The following DRGX variants were observed in gnomAD, a reference collection of about 807,000 sequenced individuals.
DRGX encodes the protein dorsal root ganglia homeobox, also known as dorsal root ganglia homeobox protein.
DRGX carries 21 observed loss-of-function variants against 28.6 expected under a neutral mutation model. That is an observed-to-expected ratio of 0.73 (90% CI 0.52 to 1.06). The LOEUF (loss-of-function observed/expected upper bound fraction) is 1.06. Among genes scored for constraint, DRGX ranks in the 50% least tolerant of loss-of-function variants. DRGX has a pLI of 0.00. For synonymous variants in DRGX, 136 were observed against 139.1 expected, an observed-to-expected ratio of 0.98 and a Z score of 0.16; for missense variants, 354 against 343.9, an observed-to-expected ratio of 1.03 and a Z score of -0.23.
chr10:49,380,362 C>G (rs1849761459), intron 6 of DRGX, among the ~76,000 whole-genome samples: 1 of 152,224 alleles, frequency 6.6e-6, no homozygotes, highest in African/African-American at 2.4e-5. Flanking sequence ...CTGTGGCCAG[C>G]ACTTCTCCGG....
chr10:49,368,312 A>C (rs190823679), intron 6 of DRGX, among the ~76,000 whole-genome samples: 1 of 152,310 alleles, frequency 6.6e-6, no homozygotes, highest in East Asian at 1.9e-4. Context: ...CTCCTACCTC[A>C]AGTTTGACTG....
At chr10:49,386,955 A>T in intron 4 of DRGX, 97 bp from the exon 5 acceptor site, 1 of 1,392,600 alleles carries the variant, frequency 7.2e-7, no homozygotes. Context: ...CTCACCCTGC[A>T]GCCTCCTCTC....
chr10:49,387,937 G>T (rs1191523619), intron 4 of DRGX, among the ~76,000 whole-genome samples: 1 of 152,168 alleles, frequency 6.6e-6, no homozygotes, highest in Non-Finnish European at 1.5e-5. Flanking sequence ...AACTGTTTGG[G>T]GGTAATAACT....
At chr10:49,372,287 T>C (rs749651648) in intron 6 of DRGX, among the ~76,000 whole-genome samples, 24 of 152,328 alleles carry the variant, frequency 1.6e-4, no homozygotes, top group Middle Eastern at 6.8e-3. Context: ...GTCATCATTA[T>C]GGAAATCCTA....
At chr10:49,371,010 G>A (rs770297849) in intron 6 of DRGX, among the ~76,000 whole-genome samples, 57 of 152,146 alleles carry the variant, frequency 3.7e-4, no homozygotes, top group Non-Finnish European at 2.9e-5. Context: ...TCACCCTAAA[G>A]AGAAAAGCAG....
intron 4 of DRGX, among the ~76,000 whole-genome samples, chr10:49,387,136 G>C (rs536625927): frequency 2.0e-5 from 3 of 152,218 alleles, no homozygotes; most frequent in African/African-American, 7.2e-5. Context: ...TGAGTCACAC[G>C]CAAGTTCATT....
Position 49,390,174 on chromosome 10 carries a change from CT to C in DRGX, c.192del (p.Glu65SerfsTer4). ...GTGAGGTTTATTTTCATGGCGAGCT[CT>C]TCTCTGGTGAAGACATCTGGATAGT... Reference protein sequence around the residue: ...QTHYPDVFTREELAMKINLTE... With the variant: ...QTHYPDVFTRXELAMKINLTE... On this transcript the variant is annotated frameshift_variant, in exon 4 of 7. Coordinates refer to ENST00000374139, the MANE Select transcript of DRGX (RefSeq NM_001276451.2). LOFTEE classifies it high-confidence loss of function. The C allele has an allele frequency of 1.9e-6, 3 of 1,613,186 alleles. No individual in the cohort carries two copies. Among genetic ancestry groups the C allele is most frequent in the Non-Finnish European group, 2.5e-6 (3 of 1,179,634 alleles).
rs1266837889 is a variant in DRGX, at chr10:49,366,222, G to A, written c.686C>T (p.Ser229Phe). Reference sequence around the variant, plus strand: ...GACAGGGCCGGGGCTGCTGCTGGTGGAAGGCAGGAGGTTGGCTGACTGCAG... The same window carrying A: ...GACAGGGCCGGGGCTGCTGCTGGTGAAAGGCAGGAGGTTGGCTGACTGCAG... ...AVLQSANLLP[S>F]TSSSPGPVAK... Residue 229 changes from serine to phenylalanine, a missense_variant, in exon 7 of 7, where the codon TCC (serine) becomes TTC (phenylalanine). Coordinates refer to ENST00000374139, the MANE Select transcript of DRGX (RefSeq NM_001276451.2). The A allele has an allele frequency of 1.2e-6, 2 of 1,613,894 alleles. No homozygotes were observed. The highest frequency in any genetic ancestry group is 1.7e-6 in the Non-Finnish European group (2 of 1,179,854).
At chr10:49,381,724 G>A (rs1008612414) in intron 6 of DRGX, among the ~76,000 whole-genome samples, 3 of 152,210 alleles carry the variant, frequency 2.0e-5, no homozygotes, top group Non-Finnish European at 4.4e-5. Context: ...CATTCTAGCT[G>A]GGGGCTGGTG....
chr10:49,375,870 G>A (rs61848634), intron 6 of DRGX, among the ~76,000 whole-genome samples: 10,384 of 152,106 alleles, frequency 0.068, 424 homozygotes, highest in Middle Eastern at 0.14. Flanking sequence ...GCCAGAGCTC[G>A]GCATGGGCAG....
At chr10:49,366,835 C>T (rs574088165) in intron 6 of DRGX, among the ~76,000 whole-genome samples, 319 of 152,308 alleles carry the variant, frequency 2.1e-3, no homozygotes, top group Non-Finnish European at 3.3e-3. Context: ...TGTCAGGTGC[C>T]GGGCAAGCTG....
intron 6 of DRGX, among the ~76,000 whole-genome samples, chr10:49,377,255 G>A (rs551795285): frequency 2.6e-5 from 4 of 152,358 alleles, no homozygotes; most frequent in Non-Finnish European, 5.9e-5. Context: ...CTGGGGCAGA[G>A]GTAGGTGGAA....
intron 6 of DRGX, among the ~76,000 whole-genome samples, chr10:49,384,234 T>C (rs1849807341): frequency 6.6e-6 from 1 of 152,192 alleles, no homozygotes; most frequent in Admixed American, 6.5e-5. Flanking sequence ...AGCTCATTTG[T>C]AACTGGGGGA....
chr10:49,381,015 G>T (rs1849769810), intron 6 of DRGX, among the ~76,000 whole-genome samples: 1 of 152,218 alleles, frequency 6.6e-6, no homozygotes, highest in Non-Finnish European at 1.5e-5. Context: ...AGATGAGTGA[G>T]CAGAAGTACA....
chr10:49,374,815 A>T (rs955073190), intron 6 of DRGX, among the ~76,000 whole-genome samples: 1 of 152,252 alleles, frequency 6.6e-6, no homozygotes, highest in Non-Finnish European at 1.5e-5. Flanking sequence ...GTAGACTCCA[A>T]TGCCAGTGAC....
chr10:49,389,664 A>G (rs61848641), intron 4 of DRGX, among the ~76,000 whole-genome samples: 4,148 of 152,182 alleles, frequency 0.027, 89 homozygotes, highest in Non-Finnish European at 0.038. Flanking sequence ...CTTTGGATCC[A>G]CTTTGTTGAA....
chr10:49,370,931 T>A (rs1849652439), intron 6 of DRGX, among the ~76,000 whole-genome samples: 1 of 151,846 alleles, frequency 6.6e-6, no homozygotes, highest in Non-Finnish European at 1.5e-5. Context: ...AAAGGGAGGG[T>A]AAAGTCCTTC....
intron 3 of DRGX, 118 bp from the exon 4 acceptor site, chr10:49,390,352 A>C: frequency 1.2e-6 from 1 of 842,792 alleles, no homozygotes; most frequent in Non-Finnish European, 1.8e-6. Context: ...TAAATCGAGG[A>C]AGGACAGGGA....
At chr10:49,392,182 A>C (rs1179898504) in intron 2 of DRGX, among the ~76,000 whole-genome samples, 1 of 152,210 alleles carries the variant, frequency 6.6e-6, no homozygotes, top group Non-Finnish European at 1.5e-5. Context: ...TTAACCAGTG[A>C]ATACTTTACC....
Sources: gnomAD v4.1 joint callset for allele counts (sites outside exome capture counted in the v4.1 genomes callset) on GRCh38, gnomAD v4.1.1 for gene constraint, MANE v1.5 for transcripts, NCBI Gene and HGNC (gene_info 2026-07-23, HGNC 2026-07-21) for gene names.